ABCF3: variants seen among roughly 807,000 people sequenced by gnomAD.
The protein encoded by ABCF3 is ATP binding cassette subfamily F member 3.
Under a neutral mutation model 94.3 loss-of-function variants are expected in ABCF3, and 62 were observed. That is an observed-to-expected ratio of 0.66 (90% CI 0.54 to 0.81). The LOEUF (loss-of-function observed/expected upper bound fraction) is 0.81, where lower values mean the gene tolerates loss of function less well. Among genes scored for constraint, ABCF3 ranks in the 40% least tolerant of loss-of-function variants. The probability of loss-of-function intolerance (pLI) is 0.00; values close to 1 mark genes in which losing one functional copy is unlikely to be tolerated. For missense variants in ABCF3, 843 were observed against 925.3 expected (o/e 0.91, Z 1.15); for synonymous variants, 355 against 361.1 (o/e 0.98, Z 0.19).
intron 14 of ABCF3, 26 bp from the exon 15 acceptor site, chr3:184,190,973 C>T (rs7614381): frequency 0.17 from 281,190 of 1,612,028 alleles, 26,612 homozygotes; most frequent in Middle Eastern, 0.2. Flanking sequence ...AGTAATAAAT[C>T]TAGTCTACCT....
intron 7 of ABCF3, 172 bp from the exon 8 acceptor site, chr3:184,188,589 C>A: frequency 1.9e-6 from 2 of 1,025,832 alleles, no homozygotes; most frequent in Non-Finnish European, 2.8e-6. Flanking sequence ...TTGTTCTTTC[C>A]ACAGTGCCCA....
rs374466173 is a variant in ABCF3 at position 184,193,241 on chromosome 3, C to G, written c.1883+7C>G. On this transcript the variant is annotated splice_region_variant and intron_variant, in intron 19 of 20. Coordinates refer to ENST00000429586, the MANE Select transcript of ABCF3 (RefSeq NM_018358.3). This position sits in a 1 kb window ranked among gnomAD's most constrained non-coding sequence, Gnocchi z 5.2. ...CTCAGATGACTATGCCCTGGTGAGG[C>G]CTCATTTTCCAGAGCTCTTCCCCTC... The G allele has an allele frequency of 6.2e-5, 98 of 1,572,386 alleles. No homozygotes were observed. Among genetic ancestry groups the G allele is most frequent in the Non-Finnish European group, 8.3e-5 (96 of 1,159,762 alleles).
Position 184,191,116 on chromosome 3 carries a change from C to T in ABCF3, c.1437-7C>T. 6.2e-7 allele frequency: 1 copy of T among 1,614,242 alleles called. No individual in the cohort carries two copies. The highest frequency in any genetic ancestry group is 8.5e-7 in the Non-Finnish European group (1 of 1,180,054). ...TGCCCCCACATCCTCACCCCTACCTCCTGCAGGTTCCCTGATGGGTTTGAG... is the reference window on the plus strand; with the variant it reads ...TGCCCCCACATCCTCACCCCTACCTTCTGCAGGTTCCCTGATGGGTTTGAG... On this transcript the variant is annotated splice_region_variant and splice_polypyrimidine_tract_variant and intron_variant, in intron 15 of 20. Transcript: ENST00000429586.
At chr3:184,187,544 C>A in intron 4 of ABCF3, 101 bp downstream of exon 4, 1 of 1,540,356 alleles carries the variant, frequency 6.5e-7, no homozygotes, top group Non-Finnish European at 9.0e-7. Flanking sequence ...TATGTCTTTT[C>A]CTGAGCCTTT....
At chr3:184,192,580 G>T in intron 16 of ABCF3, 21 bp from the exon 17 acceptor site, 1 of 1,601,766 alleles carries the variant, frequency 6.2e-7, no homozygotes, top group East Asian at 2.2e-5. Context: ...CACACTGTAT[G>T]ACATTTTCAT....
intron 5 of ABCF3, 23 bp from the exon 6 acceptor site, chr3:184,187,838 G>C: frequency 1.9e-6 from 3 of 1,614,128 alleles, no homozygotes; most frequent in Non-Finnish European, 2.5e-6. Context: ...AGCACTAAGA[G>C]CTGTCCATTT....
rs1364161339 is a variant in ABCF3 at position 184,189,758 on chromosome 3, G to T, written c.1314+1G>T. 6.2e-7 allele frequency: 1 copy of T among 1,613,960 alleles called. No homozygotes were observed. Among genetic ancestry groups the T allele is most frequent in the South Asian group, 1.1e-5 (1 of 91,078 alleles). On this transcript the variant is annotated splice_donor_variant, in intron 13 of 20. Transcript: ENST00000429586. LOFTEE classifies it high-confidence loss of function. ...GCAGCAGTATCGCCAGCACATCCAG[G>T]TGTGGGGCCTGGCAGGGCTGGGGGT...
rs1715997920 is a variant in ABCF3 at position 184,191,185 on chromosome 3, A to G, written c.1499A>G (p.Tyr500Cys). 6.2e-7 allele frequency: 1 copy of G among 1,614,114 alleles called. No individual in the cohort carries two copies. Among genetic ancestry groups the G allele is most frequent in the Non-Finnish European group, 8.5e-7 (1 of 1,180,024 alleles). The change falls in exon 16 of 21, where the codon TAC (tyrosine) becomes TGC (cysteine). Residue 500 changes from tyrosine to cysteine, a missense_variant. Physicochemically the swap from Tyr to Cys is radical, Grantham distance 194. Transcript: ENST00000429586. Reference protein sequence around the residue: ...PILQLDEVDFYYDPKHVIFSR... With the variant: ...PILQLDEVDFCYDPKHVIFSR... ...CTGCAGCTAGATGAGGTGGATTTCTACTACGATCCGAAGCACGTCATCTTC... is the reference window on the plus strand; with the variant it reads ...CTGCAGCTAGATGAGGTGGATTTCTGCTACGATCCGAAGCACGTCATCTTC...
Position 184,188,970 on chromosome 3 carries a change from TGCA to T in ABCF3, c.968_970del (p.Gln323del). ...GCTGGGCTTGGCTTTACCCCTAAAA[TGCA>T]GCAGCAGCCCACCCGGTGAGTGACC... On this transcript the variant is annotated inframe_deletion, in exon 9 of 21. Coordinates refer to ENST00000429586, the MANE Select transcript of ABCF3 (RefSeq NM_018358.3). 1 of 1,614,240 alleles carries T rather than the reference TGCA, an allele frequency of 6.2e-7. No homozygotes were observed. The highest frequency in any genetic ancestry group is 8.5e-7 in the Non-Finnish European group (1 of 1,180,038).
chr3:184,190,937 T>C, intron 14 of ABCF3, 62 bp from the exon 15 acceptor site: 3 of 1,583,322 alleles, frequency 1.9e-6, no homozygotes, highest in Non-Finnish European at 2.6e-6. Flanking sequence ...GAACATATAT[T>C]ACTCGTGTAG....
chr3:184,186,399 G>C, intron 1 of ABCF3, 108 bp from the exon 2 acceptor site: 1 of 1,581,708 alleles, frequency 6.3e-7, no homozygotes, highest in East Asian at 2.2e-5. Flanking sequence ...TCTTGTCCCG[G>C]GGGCTGGTTG....
Position 184,189,075 on chromosome 3 carries a change from C to T in ABCF3, c.978-13C>T. On this transcript the variant is annotated splice_polypyrimidine_tract_variant and intron_variant, in intron 9 of 20. Coordinates refer to ENST00000429586, the MANE Select transcript of ABCF3 (RefSeq NM_018358.3). ...TGAACACCCACCCATAATGTGACTC[C>T]ATCATTCTTTAGGGAGTTCTCAGGT... 6.2e-7 allele frequency: 1 copy of T among 1,614,206 alleles called. No individual in the cohort carries two copies.
Position 184,190,142 on chromosome 3 carries a change from C to T in ABCF3, c.1391+211C>T. On this transcript the variant is annotated intron_variant, in intron 14 of 20. Transcript: ENST00000429586. ...GCAACCACTAATTTACTTTCTGTTT[C>T]TGCTTCTACGTATCTGCTTATTCTG... 2.0e-5 allele frequency: 12 copies of T among 600,186 alleles called. No individual in the cohort carries two copies. In the South Asian group the frequency reaches 2.2e-4, roughly 11 times the overall value. 37.2% of individuals were successfully genotyped at this position (600,186 alleles called of 1,614,324 possible). A position where few individuals can be genotyped will look rare whatever the true frequency, so the allele number is the denominator to read the frequency against.
Position 184,193,160 on chromosome 3 carries a change from G to C in ABCF3, c.1809G>C (p.Leu603=), listed in dbSNP as rs760959516. The C allele has an allele frequency of 1.3e-6, 2 of 1,567,182 alleles. No homozygotes were observed. Among genetic ancestry groups the C allele is most frequent in the African/African-American group, 2.7e-5 (2 of 73,452 alleles). ...GTCGGTATGGCATCTCCGGAGAACT[G>C]GCCATGCGTCCTCTTGCCAGCCTGT... ...QLGRYGISGE[L]AMRPLASLSG... Residue 603 remains leucine (L), a synonymous_variant, in exon 19 of 21, where the codon CTG becomes CTC. Coordinates refer to ENST00000429586, the MANE Select transcript of ABCF3 (RefSeq NM_018358.3). This position sits in a 1 kb window ranked among gnomAD's most constrained non-coding sequence, Gnocchi z 5.2.
intron 7 of ABCF3, 131 bp from the exon 8 acceptor site, chr3:184,188,629 GT>G (rs1425098572): frequency 2.8e-6 from 3 of 1,077,472 alleles, no homozygotes; most frequent in African/African-American, 3.2e-5. Context: ...AATGAGCACT[GT>G]GCAAACCCTT....
chr3:184,190,833 A>G (rs1376882027), intron 14 of ABCF3, 166 bp from the exon 15 acceptor site: 7 of 808,462 alleles, frequency 8.7e-6, no homozygotes, highest in African/African-American at 3.5e-5. Flanking sequence ...AAAAAGCCTA[A>G]TTCTATTTTT....
Position 184,193,205 on chromosome 3 carries a change from A to T in ABCF3, c.1854A>T (p.Arg618=). ...LASLSGGQKS[R]VAFAQMTMPC... ...GCCTGTCTGGGGGCCAGAAGAGCCG[A>T]GTGGCCTTTGCTCAGATGACTATGC... Residue 618 remains arginine (R), a synonymous_variant, in exon 19 of 21, where the codon CGA becomes CGT. Transcript: ENST00000429586. This position sits in a 1 kb window ranked among gnomAD's most constrained non-coding sequence, Gnocchi z 5.2. The T allele has an allele frequency of 6.4e-7, 1 of 1,562,156 alleles. No individual in the cohort carries two copies. The highest frequency in any genetic ancestry group is 8.7e-7 in the Non-Finnish European group (1 of 1,155,006).
At chr3:184,191,343 G>A in intron 16 of ABCF3, 88 bp downstream of exon 16, 2 of 1,589,812 alleles carry the variant, frequency 1.3e-6, no homozygotes, top group South Asian at 1.1e-5. Context: ...AGGCTGTAAA[G>A]GGACGAGGTC....
At chr3:184,191,823 C>T (rs1716047687) in intron 16 of ABCF3, among the ~76,000 whole-genome samples, 1 of 149,614 alleles carries the variant, frequency 6.7e-6, no homozygotes. Context: ...TCTTGGCTCA[C>T]CGCAGCTTTC....
Sources: allele counts gnomAD v4.1 joint callset (sites outside exome capture counted in the v4.1 genomes callset), GRCh38; gene constraint gnomAD v4.1.1; non-coding constraint Gnocchi (gnomAD v3.1); transcripts MANE v1.5; gene names NCBI Gene and HGNC (gene_info 2026-07-23, HGNC 2026-07-21).